PHACTR1: variants seen among roughly 807,000 people sequenced by gnomAD.
PHACTR1 encodes the protein RPEL repeat containing 1.
A neutral mutation model predicts 69.2 loss-of-function variants in PHACTR1; 16 were observed. That is an observed-to-expected ratio of 0.23 (90% confidence interval 0.16 to 0.35). The LOEUF is 0.35. Among genes scored for constraint, PHACTR1 ranks in the 10% least tolerant of loss-of-function variants. PHACTR1 has a pLI of 1.00. For missense variants in PHACTR1, 510 were observed against 734.7 expected, an observed-to-expected ratio of 0.69 and a Z score of 3.54; for synonymous variants, 312 against 284.5, an observed-to-expected ratio of 1.10 and a Z score of -0.97.
intron 4 of PHACTR1, among the ~76,000 whole-genome samples, chr6:12,898,366 C>G (rs1784885659): frequency 2.0e-5 from 3 of 151,896 alleles, no homozygotes; most frequent in Non-Finnish European, 4.4e-5. Context: ...CCTCCTCAAT[C>G]CTAAAACCAT....
chr6:13,141,724 C>CTTTTTTTTTTTTTTTTTTT (rs577073698), intron 5 of PHACTR1, among the ~76,000 whole-genome samples: 13 of 89,738 alleles, frequency 1.4e-4, no homozygotes, highest in African/African-American at 2.1e-4. Flanking sequence ...TTTCTTCTTT[C>CTTTTTTTTTTTTTTTTTTT]TTTTTTTTTT....
At chr6:12,954,622 G>A (rs1189642669) in intron 4 of PHACTR1, among the ~76,000 whole-genome samples, 2 of 151,988 alleles carry the variant, frequency 1.3e-5, no homozygotes, top group Non-Finnish European at 1.5e-5. Flanking sequence ...TGGGCAACTG[G>A]GGCAACACAA....
At chr6:13,023,987 G>C (rs941256946) in intron 4 of PHACTR1, among the ~76,000 whole-genome samples, 3 of 151,780 alleles carry the variant, frequency 2.0e-5, no homozygotes, top group Non-Finnish European at 2.9e-5. Context: ...TGAGGCTGGA[G>C]AATCACTTGA....
At chr6:12,741,531 C>T (rs1261909134) in intron 3 of PHACTR1, among the ~76,000 whole-genome samples, 1 of 152,118 alleles carries the variant, frequency 6.6e-6, no homozygotes, top group Non-Finnish European at 1.5e-5. Flanking sequence ...CATCCTTTCC[C>T]CACTATCTTG....
intron 4 of PHACTR1, among the ~76,000 whole-genome samples, chr6:12,996,898 G>T (rs1797476556): frequency 6.6e-6 from 1 of 152,180 alleles, no homozygotes; most frequent in Non-Finnish European, 1.5e-5. Context: ...GGGTGCGATG[G>T]CTCACCCCTG....
At chr6:12,970,936 G>C (rs1206522524) in intron 4 of PHACTR1, among the ~76,000 whole-genome samples, 1 of 152,124 alleles carries the variant, frequency 6.6e-6, no homozygotes, top group Admixed American at 6.5e-5. Context: ...ATGAACCAAA[G>C]GCTGACCAAA....
At chr6:13,253,055 G>A (rs1562072516) in intron 10 of PHACTR1, 1 of 454,932 alleles carries the variant, frequency 2.2e-6, no homozygotes, top group South Asian at 1.6e-5. Context: ...AATAGCTGTG[G>A]CCCCACTGAA....
At chr6:12,978,591 T>TGGGGAG (rs1360263204) in intron 4 of PHACTR1, among the ~76,000 whole-genome samples, 1 of 152,216 alleles carries the variant, frequency 6.6e-6, no homozygotes, top group East Asian at 1.9e-4. Context: ...CCCCGCACCC[T>TGGGGAG]GTGTCTTAAC....
intron 4 of PHACTR1, among the ~76,000 whole-genome samples, chr6:13,045,576 G>T (rs1022578833): frequency 6.6e-6 from 1 of 152,182 alleles, no homozygotes; most frequent in Admixed American, 6.5e-5. Flanking sequence ...TTTAAAATTA[G>T]TACATCTTAG....
chr6:13,212,764 A>G (rs1394135910), intron 8 of PHACTR1, among the ~76,000 whole-genome samples: 1 of 151,978 alleles, frequency 6.6e-6, no homozygotes, highest in Non-Finnish European at 1.5e-5. Flanking sequence ...GGGCCTTGGC[A>G]CTGGCTGTTC....
intron 4 of PHACTR1, among the ~76,000 whole-genome samples, chr6:12,826,377 G>T (rs756207159): frequency 6.6e-6 from 1 of 152,108 alleles, no homozygotes; most frequent in African/African-American, 2.4e-5. Context: ...TTTTAGATGC[G>T]GTTACATAAT....
At chr6:12,732,118 G>A (rs1561828610) in intron 3 of PHACTR1, among the ~76,000 whole-genome samples, 1 of 152,000 alleles carries the variant, frequency 6.6e-6, no homozygotes, top group Non-Finnish European at 1.5e-5. Context: ...CTCCACGGGA[G>A]TGTCTTACGA....
intron 6 of PHACTR1, among the ~76,000 whole-genome samples, chr6:13,163,981 C>T (rs1032001843): frequency 2.6e-5 from 4 of 152,044 alleles, no homozygotes; most frequent in Non-Finnish European, 4.4e-5. Context: ...ATGTGCCTCA[C>T]CCTAGGTGAC....
At chr6:12,717,204 C>G (rs983791019) in intron 1 of PHACTR1, among the ~76,000 whole-genome samples, 6 of 152,144 alleles carry the variant, frequency 3.9e-5, no homozygotes, top group Non-Finnish European at 5.9e-5. Flanking sequence ...CCCTGCCACT[C>G]TTAGGCCAGC....
intron 4 of PHACTR1, among the ~76,000 whole-genome samples, chr6:12,760,083 G>A (rs1240839166): frequency 6.6e-6 from 1 of 152,220 alleles, no homozygotes; most frequent in Non-Finnish European, 1.5e-5. Context: ...TTGTTAGCAC[G>A]AAGTGGAGAA....
At chr6:12,995,186 G>C (rs1797276803) in intron 4 of PHACTR1, among the ~76,000 whole-genome samples, 1 of 151,520 alleles carries the variant, frequency 6.6e-6, no homozygotes, top group African/African-American at 2.4e-5. Context: ...TTCTGGGCTT[G>C]TTCAGGATAT....
intron 5 of PHACTR1, among the ~76,000 whole-genome samples, chr6:13,144,949 A>G (rs899959047): frequency 6.6e-6 from 1 of 152,232 alleles, no homozygotes; most frequent in South Asian, 2.1e-4. Flanking sequence ...GTAGAAAATA[A>G]GAAAGTGCCT....
intron 6 of PHACTR1, among the ~76,000 whole-genome samples, chr6:13,180,755 G>A (rs115446727): frequency 2.8e-4 from 43 of 152,244 alleles, no homozygotes; most frequent in African/African-American, 1.0e-3. Context: ...GCATCTGTTT[G>A]AACATGCTAA....
At chr6:12,827,277 G>T (rs956378463) in intron 4 of PHACTR1, among the ~76,000 whole-genome samples, 1 of 152,106 alleles carries the variant, frequency 6.6e-6, no homozygotes, top group Non-Finnish European at 1.5e-5. Context: ...TTAATGTAGG[G>T]CAAGTATTCT....
Sources: allele counts gnomAD v4.1 joint callset (sites outside exome capture counted in the v4.1 genomes callset), GRCh38; gene constraint gnomAD v4.1.1; transcripts MANE v1.5; gene names NCBI Gene and HGNC (gene_info 2026-07-23, HGNC 2026-07-21).